Variants in ACSL3 observed in about 807,000 individuals in gnomAD.
The protein encoded by ACSL3 is fatty acid CoA ligase Acsl3.
Under a neutral mutation model 84.7 loss-of-function variants are expected in ACSL3, and 34 were observed. That is an observed-to-expected ratio of 0.40 (90% CI 0.31 to 0.53). The LOEUF (loss-of-function observed/expected upper bound fraction) is 0.53, where lower values mean the gene tolerates loss of function less well. Among genes scored for constraint, ACSL3 ranks in the 20% least tolerant of loss-of-function variants. The probability of loss-of-function intolerance (pLI) is 0.48; values close to 1 mark genes in which losing one functional copy is unlikely to be tolerated. For missense variants in ACSL3, 680 were observed against 873.1 expected (o/e 0.78, Z 2.79); for synonymous variants, 315 against 299.4 (o/e 1.05, Z -0.54).
chr2:222,863,468 C>T (rs1319458904), intron 1 of ACSL3, among the ~76,000 whole-genome samples: 1 of 152,222 alleles, frequency 6.6e-6, no homozygotes, highest in Non-Finnish European at 1.5e-5. Context: ...AGATAGGCAA[C>T]TTTACAAGTT....
At position 222,934,542 on chromosome 2, in the gene ACSL3, T is replaced by C. The variant is rs747570907; in HGVS notation, c.1860T>C (p.Tyr620=). Residue 620 remains tyrosine (Y), a synonymous_variant, in exon 16 of 17, where the codon TAT becomes TAC. Transcript: ENST00000357430. The stretch of plus-strand genomic sequence containing the variant: ...TTCTATATTTCAGTTATCATTCTTA[T>C]GTCATTGGATTTGTTGTGCCAAATC... The part of the protein sequence containing the change: ...ICAYANSYHS[Y]VIGFVVPNQK... 6 of 1,572,744 alleles carry C rather than the reference T, an allele frequency of 3.8e-6. No individual in the cohort carries two copies. The highest frequency in any genetic ancestry group is 5.2e-6 in the Non-Finnish European group (6 of 1,159,288).
At chr2:222,892,328 C>G (rs1308434231) in intron 2 of ACSL3, among the ~76,000 whole-genome samples, 1 of 152,128 alleles carries the variant, frequency 6.6e-6, no homozygotes, top group Non-Finnish European at 1.5e-5. Context: ...AAACCATTCT[C>G]TTGAACTAGG....
chr2:222,924,397 G>A (rs1285228645), intron 10 of ACSL3, 59 bp from the exon 11 acceptor site: 1 of 1,407,216 alleles, frequency 7.1e-7, no homozygotes, highest in Non-Finnish European at 9.5e-7. Context: ...CTAATGCTAA[G>A]TGAATATGTA....
At chr2:222,935,201 A>AT (rs1697139260) in intron 16 of ACSL3, among the ~76,000 whole-genome samples, 1 of 151,910 alleles carries the variant, frequency 6.6e-6, no homozygotes, top group Non-Finnish European at 1.5e-5. Flanking sequence ...TATTTTATTT[A>AT]TTTTTTTAAG....
At chr2:222,867,511 G>A (rs546988155) in intron 1 of ACSL3, among the ~76,000 whole-genome samples, 1 of 152,246 alleles carries the variant, frequency 6.6e-6, no homozygotes, top group African/African-American at 2.4e-5. Flanking sequence ...AGATGGTACT[G>A]CATGTATTCT....
chr2:222,904,135 A>T (rs972283808), intron 3 of ACSL3, among the ~76,000 whole-genome samples: 1 of 152,056 alleles, frequency 6.6e-6, no homozygotes, highest in Non-Finnish European at 1.5e-5. Context: ...GCCGGGCGTG[A>T]TGGTGCATGC....
At position 222,922,614 on chromosome 2, in the gene ACSL3, C is replaced by T. The variant is rs558831982; in HGVS notation, c.957-94C>T. 221 of 1,499,084 alleles carry T rather than the reference C, an allele frequency of 1.5e-4. 1 individual carries two copies. The African/African-American group carries it at 2.9e-3, about 19-fold the overall frequency. The allele number at this position is 1,499,084 out of a possible 1,614,324, so 92.9% of individuals were successfully genotyped here. On this transcript the variant is annotated intron_variant, in intron 8 of 16. Coordinates refer to ENST00000357430, the MANE Select transcript of ACSL3 (RefSeq NM_004457.5). The stretch of plus-strand genomic sequence containing the variant: ...GACCAGCAAATTGATGCCCTGGGGC[C>T]CTTCCATGTGCCTTCAAGCTTGCTC...
At chr2:222,868,004 A>G (rs1265984963) in intron 1 of ACSL3, among the ~76,000 whole-genome samples, 4 of 151,288 alleles carry the variant, frequency 2.6e-5, no homozygotes, top group Non-Finnish European at 5.9e-5. Context: ...AAATAAAAAT[A>G]TCTTAAAATA....
At chr2:222,931,226 G>T (rs1697023186) in intron 14 of ACSL3, among the ~76,000 whole-genome samples, 1 of 151,950 alleles carries the variant, frequency 6.6e-6, no homozygotes, top group South Asian at 2.1e-4. Flanking sequence ...CTCCTTTTAG[G>T]TTCTTTTTTT....
At chr2:222,922,883 A>G (rs371846611) in intron 9 of ACSL3, 52 bp downstream of exon 9, 9 of 1,607,484 alleles carry the variant, frequency 5.6e-6, no homozygotes, top group African/African-American at 1.3e-5. Context: ...GTGAATTGTA[A>G]TGCATTTTTT....
intron 3 of ACSL3, among the ~76,000 whole-genome samples, chr2:222,904,138 G>A (rs1327042965): frequency 1.3e-5 from 2 of 152,144 alleles, no homozygotes; most frequent in South Asian, 2.1e-4. Flanking sequence ...GGGCGTGATG[G>A]TGCATGCCTG....
intron 7 of ACSL3, 30 bp from the exon 8 acceptor site, chr2:222,921,250 G>A: frequency 1.3e-6 from 2 of 1,585,474 alleles, no homozygotes; most frequent in Non-Finnish European, 1.7e-6. Context: ...TCATGAAAGT[G>A]TATGTGTGTG....
chr2:222,903,205 T>C lies in ACSL3; in HGVS notation c.-41+2425T>C, dbSNP rs187488099. On this transcript the variant is annotated intron_variant, in intron 3 of 16. Transcript: ENST00000357430. ...CAGGCCGGAGTGCAGTGGCATGATCTTAACTTATCGCACTTTTCATCTCCT... is the reference window on the plus strand; with the variant it reads ...CAGGCCGGAGTGCAGTGGCATGATCCTAACTTATCGCACTTTTCATCTCCT... Among the ~76,000 whole-genome samples, 168 of 152,330 alleles carry C rather than the reference T, an allele frequency of 1.1e-3. 1 individual carries two copies. Among genetic ancestry groups the C allele is most frequent in the African/African-American group, 3.7e-3 (152 of 41,574 alleles).
chr2:222,933,363 A>G, intron 15 of ACSL3, 83 bp downstream of exon 15: 2 of 971,098 alleles, frequency 2.1e-6, no homozygotes, highest in South Asian at 3.4e-5. Flanking sequence ...CCTTCTTTGT[A>G]AAAATGTTCC....
At chr2:222,867,992 T>C (rs1391875328) in intron 1 of ACSL3, among the ~76,000 whole-genome samples, 1 of 149,598 alleles carries the variant, frequency 6.7e-6, no homozygotes, top group Non-Finnish European at 1.5e-5. Flanking sequence ...TTTTTTTTTT[T>C]TAAATAAAAA....
At chr2:222,922,360 A>G (rs1696762889) in intron 8 of ACSL3, among the ~76,000 whole-genome samples, 3 of 152,070 alleles carry the variant, frequency 2.0e-5, no homozygotes, top group Admixed American at 2.0e-4. Flanking sequence ...AGAACCCTGT[A>G]TTATTATTTG....
chr2:222,916,678 G>A lies in ACSL3; in HGVS notation c.556+182G>A, dbSNP rs937359982. 4 of 604,590 alleles carry A rather than the reference G, an allele frequency of 6.6e-6. No individual in the cohort carries two copies. The Admixed American group carries it at 1.4e-4, about 21-fold the overall frequency. The allele number at this position is 604,590 out of a possible 1,614,324, so 37.5% of individuals were successfully genotyped here. On this transcript the variant is annotated intron_variant, in intron 5 of 16. Coordinates refer to ENST00000357430, the MANE Select transcript of ACSL3 (RefSeq NM_004457.5). ...AAATAAATCAATTATATGACAAATT[G>A]TACCAATCAGTGTTGCAGTGAGGCT...
Position 222,930,754 on chromosome 2 carries a change from G to A in ACSL3, c.1674G>A (p.Arg558=), listed in dbSNP as rs753600891. The A allele has an allele frequency of 2.2e-5, 36 of 1,614,016 alleles. No individual in the cohort carries two copies. Among genetic ancestry groups the A allele is most frequent in the Non-Finnish European group, 3.0e-5 (35 of 1,180,006 alleles). Reference sequence around the variant, plus strand: ...TCTTTGAAGATGAAAATGGACAAAGGTGGCTCTGTACTGGGGATATTGGAG... The same window carrying A: ...TCTTTGAAGATGAAAATGGACAAAGATGGCTCTGTACTGGGGATATTGGAG... ...ADFFEDENGQ[R]WLCTGDIGEF... is the part of the protein sequence containing the mutation. Residue 558 remains arginine (R), a synonymous_variant, in exon 14 of 17, where the codon AGG becomes AGA. Transcript: ENST00000357430.
At chr2:222,910,889 A>C (rs967242076) in intron 4 of ACSL3, among the ~76,000 whole-genome samples, 1 of 152,162 alleles carries the variant, frequency 6.6e-6, no homozygotes, top group African/African-American at 2.4e-5. Flanking sequence ...ATTTTTTTCT[A>C]TTTAAGATCT....
Sources: allele counts gnomAD v4.1 joint callset (sites outside exome capture counted in the v4.1 genomes callset), GRCh38; gene constraint gnomAD v4.1.1; transcripts MANE v1.5; gene names NCBI Gene and HGNC (gene_info 2026-07-23, HGNC 2026-07-21).